Variants in GP6 observed in about 807,000 individuals in gnomAD.
GP6 encodes platelet glycoprotein VI.
A neutral mutation model predicts 37.3 loss-of-function variants in GP6; 45 were observed. The observed-to-expected ratio is 1.21, with a 90% confidence interval of 0.95 to 1.55. The LOEUF (loss-of-function observed/expected upper bound fraction) is 1.55. GP6 is among the 40% of genes most tolerant of loss of function. The probability of loss-of-function intolerance (pLI) is 0.00; values close to 1 mark genes in which losing one functional copy is unlikely to be tolerated. For missense variants in GP6, 813 were observed against 760.2 expected (o/e 1.07, Z -0.82); for synonymous variants, 340 against 316.4 (o/e 1.07, Z -0.79).
At chr19:55,028,207 C>G (rs1602596627) in intron 3 of GP6, among the ~76,000 whole-genome samples, 1 of 152,242 alleles carries the variant, frequency 6.6e-6, no homozygotes, top group African/African-American at 2.4e-5. Flanking sequence ...TGCCTGTTGC[C>G]TAGCAAGCGC....
chr19:55,037,896 C>T (rs2074898012), intron 1 of GP6, among the ~76,000 whole-genome samples: 1 of 152,050 alleles, frequency 6.6e-6, no homozygotes, highest in Non-Finnish European at 1.5e-5. Flanking sequence ...GTTGAGATTA[C>T]AGGCGTGAGC....
intron 4 of GP6, among the ~76,000 whole-genome samples, chr19:55,025,539 C>T (rs1397588413): frequency 1.3e-5 from 2 of 152,008 alleles, no homozygotes; most frequent in Admixed American, 6.6e-5. Context: ...AACCCCGTCT[C>T]CACTAAAAAT....
At chr19:55,019,678 C>CTT (rs770367312) in intron 5 of GP6, among the ~76,000 whole-genome samples, 18,125 of 126,712 alleles carry the variant, frequency 0.14, 1,813 homozygotes, top group East Asian at 0.41. Flanking sequence ...TTCTTTTTTT[C>CTT]TTTTTTTTTT....
chr19:55,033,324 A>G lies in GP6; in HGVS notation c.35-786T>C, dbSNP rs865827688. ...GTTCGTGTTGTGTTAGACACGGTGG[A>G]CTCGTTCGTGTTGTGTTAGACACGG... On this transcript the variant is annotated intron_variant, in intron 1 of 7. Coordinates refer to ENST00000310373, the MANE Select transcript of GP6 (RefSeq NM_001083899.2). Among the ~76,000 whole-genome samples the G allele has an allele frequency of 6.1e-3, 90 of 14,806 alleles. 1 individual carries two copies. Among genetic ancestry groups the G allele is most frequent in the Admixed American group, 0.014 (13 of 942 alleles). 9.7% of individuals were successfully genotyped at this position (14,806 alleles called of 152,430 possible).
Position 55,014,048 on chromosome 19 carries a change from C to T in GP6, c.*34G>A, listed in dbSNP as rs547798735. On this transcript the variant is annotated 3_prime_UTR_variant, in exon 8 of 8. Coordinates refer to ENST00000310373, the MANE Select transcript of GP6 (RefSeq NM_001083899.2). ...TTGTACATATTTATGGGGTGGACAG[C>T]AATATTGCAGTACATGTATACAACG... The T allele has an allele frequency of 1.2e-5, 7 of 589,310 alleles. No homozygotes were observed. Among genetic ancestry groups the T allele is most frequent in the South Asian group, 1.1e-4 (7 of 65,676 alleles). 36.5% of individuals were successfully genotyped at this position (589,310 alleles called of 1,614,324 possible). A position where few individuals can be genotyped will look rare whatever the true frequency, so the allele number is the denominator to read the frequency against.
In GP6 at chr19:55,014,517, G is replaced by A. The variant is rs377575412; in HGVS notation, c.1428C>T (p.Pro476=). ...CCAGACAAGAGCACAGAGGGCCAAA[G>A]GGAAGCACGGGAGGATTTTGCACAG... Residue 476 remains proline, a synonymous_variant, in exon 8 of 8, where the codon CCC becomes CCT. Coordinates refer to ENST00000310373, the MANE Select transcript of GP6 (RefSeq NM_001083899.2). The A allele has an allele frequency of 4.3e-6, 7 of 1,613,900 alleles. No homozygotes were observed. In the African/African-American group the frequency reaches 5.3e-5, roughly 12 times the overall value.
At chr19:55,028,252 T>C (rs185464082) in intron 3 of GP6, among the ~76,000 whole-genome samples, 68 of 152,382 alleles carry the variant, frequency 4.5e-4, no homozygotes, top group African/African-American at 1.5e-3. Context: ...TATACTGTGC[T>C]GTAAGCTTGT....
At chr19:55,031,611 A>G (rs2074561558) in intron 3 of GP6, among the ~76,000 whole-genome samples, 1 of 152,102 alleles carries the variant, frequency 6.6e-6, no homozygotes, top group Non-Finnish European at 1.5e-5. Flanking sequence ...ATTTTTTTAA[A>G]AATTGCATGA....
chr19:55,032,478 G>A, intron 2 of GP6, 28 bp downstream of exon 2: 1 of 1,613,832 alleles, frequency 6.2e-7, no homozygotes, highest in South Asian at 1.1e-5. Context: ...GATCCCGCAG[G>A]AGGGAAGGGG....
intron 5 of GP6, among the ~76,000 whole-genome samples, chr19:55,024,309 T>TGCACGCACACATGCACGCACAC (rs1357661954): frequency 7.7e-6 from 1 of 129,950 alleles, no homozygotes; most frequent in Admixed American, 7.7e-5. Context: ...TGCACACACA[T>TGCACGCACACATGCACGCACAC]ATGCACGCAC....
chr19:55,014,582 G>A lies in GP6; in HGVS notation c.1363C>T (p.Leu455=), dbSNP rs1169080212. The A allele has an allele frequency of 6.2e-7, 1 of 1,613,498 alleles. No individual in the cohort carries two copies. Among genetic ancestry groups the A allele is most frequent in the Non-Finnish European group, 8.5e-7 (1 of 1,179,526 alleles). The change falls in exon 8 of 8, where the codon CTA becomes TTA. Residue 455 remains leucine, a synonymous_variant. Transcript: ENST00000310373. ...TCAACCCTGAGAGCTGGGAACCTTA[G>A]AGATCCGTCTGGAGCCCATATTAGA...
At chr19:55,031,503 C>T (rs532875988) in intron 3 of GP6, among the ~76,000 whole-genome samples, 1 of 152,290 alleles carries the variant, frequency 6.6e-6, no homozygotes, top group African/African-American at 2.4e-5. Flanking sequence ...TTCGTTTTGG[C>T]ACAGACTCTG....
At chr19:55,016,279 C>T (rs1156510952) in intron 6 of GP6, among the ~76,000 whole-genome samples, 4 of 151,826 alleles carry the variant, frequency 2.6e-5, no homozygotes, top group Non-Finnish European at 5.9e-5. Context: ...ATAAAATTAA[C>T]AAGATCCCTT....
Position 55,027,736 on chromosome 19 carries a change from G to C in GP6, c.452C>G (p.Pro151Arg), listed in dbSNP as rs2074364504. The C allele has an allele frequency of 6.2e-7, 1 of 1,613,882 alleles. No homozygotes were observed. The highest frequency in any genetic ancestry group is 8.5e-7 in the Non-Finnish European group (1 of 1,179,728). ...TCTCTCGGGATTCTTGTAGGGCGCA[G>C]GGTCCCCTTCCTTGTACAGAGCAAA... The change falls in exon 4 of 8, where the codon CCT (proline) becomes CGT (arginine). Residue 151 changes from proline (P) to arginine (R), a missense_variant. By Grantham distance (103) the Pro-to-Arg change is moderately radical (BLOSUM62 -2). Coordinates refer to ENST00000310373, the MANE Select transcript of GP6 (RefSeq NM_001083899.2).
At chr19:55,034,507 G>C (rs1233550045) in intron 1 of GP6, among the ~76,000 whole-genome samples, 7 of 151,332 alleles carry the variant, frequency 4.6e-5, no homozygotes, top group Admixed American at 2.0e-4. Context: ...AGTGAGCCAA[G>C]ATCACGCCAC....
Position 55,032,339 on chromosome 19 carries a change from T to G in GP6, c.125A>C (p.Lys42Thr). Residue 42 changes from lysine to threonine, a missense_variant, in exon 3 of 8, where the codon AAG (lysine) becomes ACG (threonine). Coordinates refer to ENST00000310373, the MANE Select transcript of GP6 (RefSeq NM_001083899.2). ...TCCCTGGCACCGGAGGGTCACTGGC[T>G]TCTCCAGGGGCACCAGGGAGCTGGG... 1 of 1,614,026 alleles carries G rather than the reference T, an allele frequency of 6.2e-7. No individual in the cohort carries two copies. The highest frequency in any genetic ancestry group is 8.5e-7 in the Non-Finnish European group (1 of 1,179,984).
At chr19:55,020,968 C>A (rs2074054759) in intron 5 of GP6, among the ~76,000 whole-genome samples, 1 of 149,396 alleles carries the variant, frequency 6.7e-6, no homozygotes, top group Non-Finnish European at 1.5e-5. Context: ...AGGAGAATCA[C>A]TTGAACCCTG....
intron 3 of GP6, among the ~76,000 whole-genome samples, chr19:55,029,374 A>T (rs11669676): frequency 0.19 from 821 of 4,432 alleles, 110 homozygotes; most frequent in African/African-American, 0.27. Flanking sequence ...ATATATATAT[A>T]TTTTTTTTTT....
rs372829679 is a variant in GP6, at chr19:55,015,126, C to T, written c.819G>A (p.Pro273=). The stretch of plus-strand genomic sequence containing the variant: ...TAGGATCACAGCCCCGAGGCATATC[C>T]GGACCAGGTTGCCCTTGGTGTAGTA... The change falls in exon 8 of 8, where the codon CCG becomes CCA. Residue 273 remains proline (P), a synonymous_variant. Coordinates refer to ENST00000310373, the MANE Select transcript of GP6 (RefSeq NM_001083899.2). The T allele has an allele frequency of 1.0e-4, 162 of 1,579,008 alleles. 1 individual carries two copies. Among genetic ancestry groups the T allele is most frequent in the South Asian group, 4.7e-4 (41 of 86,366 alleles).
Sources: allele counts gnomAD v4.1 joint callset (sites outside exome capture counted in the v4.1 genomes callset), GRCh38; gene constraint gnomAD v4.1.1; transcripts MANE v1.5; gene names NCBI Gene and HGNC (gene_info 2026-07-23, HGNC 2026-07-21).